Variants in ZNF600 observed in about 807,000 individuals in gnomAD.
The protein encoded by ZNF600 is zinc finger protein 600, also known as zinc finger protein KR-ZNF1.
In ZNF600, 4 loss-of-function variants were observed where a neutral mutation model predicts 7.3. The ratio of observed to expected loss-of-function variants is 0.55; its 90% confidence interval spans 0.27 to 1.25. The LOEUF (loss-of-function observed/expected upper bound fraction) is 1.25. Ranked by LOEUF, ZNF600 falls within the 50% of genes most tolerant of loss-of-function variation. The probability of loss-of-function intolerance (pLI) is 0.12; values close to 1 mark genes in which losing one functional copy is unlikely to be tolerated. For synonymous variants in ZNF600, 290 were observed against 308.9 expected (o/e 0.94, Z 0.64); for missense variants, 911 against 922.1 (o/e 0.99, Z 0.16).
chr19:52,832,747 T>TA, the ZNF600 span, among the ~76,000 whole-genome samples: 1 of 152,096 alleles, frequency 6.6e-6, no homozygotes, highest in Non-Finnish European at 1.5e-5. Flanking sequence ...AGAACTAAGC[T>TA]ACAGAGCGAC....
At chr19:52,817,864 T>A in the ZNF600 span, 2 of 1,600,430 alleles carry the variant, frequency 1.2e-6, no homozygotes, top group Non-Finnish European at 1.7e-6. Context: ...CACTTCAGAC[T>A]CAGAGAAGAC....
chr19:52,767,311 G>A (rs1183817380), exon 4 of ZNF600: 1 of 1,614,144 alleles, frequency 6.2e-7, no homozygotes, highest in South Asian at 1.1e-5. Context: ...TTTTGTGGGA[G>A]TAGTGAAGAA....
At chr19:52,810,210 C>T in the ZNF600 span, 1 of 1,089,920 alleles carries the variant, frequency 9.2e-7, no homozygotes, top group South Asian at 1.2e-5. Flanking sequence ...AAAGGAGCTA[C>T]AGAACGACGT....
chr19:52,813,119 C>T, the ZNF600 span, among the ~76,000 whole-genome samples: 1 of 151,954 alleles, frequency 6.6e-6, no homozygotes, highest in African/African-American at 2.4e-5. Flanking sequence ...TGTCACTATA[C>T]CAATACTTTT....
At chr19:52,796,816 C>T in the ZNF600 span, among the ~76,000 whole-genome samples, 7 of 152,322 alleles carry the variant, frequency 4.6e-5, no homozygotes, top group East Asian at 1.2e-3. Flanking sequence ...GCAGAATTTA[C>T]ATTGCTTTGA....
chr19:52,774,769 G>C, intron 2 of ZNF600, 68 bp from the exon 5 acceptor site: 1 of 985,314 alleles, frequency 1.0e-6, no homozygotes, highest in Non-Finnish European at 1.2e-6. Context: ...TGGGAAATGA[G>C]AAAAGAGAAA....
chr19:52,822,459 C>A, the ZNF600 span, among the ~76,000 whole-genome samples: 1 of 152,138 alleles, frequency 6.6e-6, no homozygotes, highest in Non-Finnish European at 1.5e-5. Flanking sequence ...AAATCATCTT[C>A]ATGACAAAAC....
chr19:52,814,142 A>G, the ZNF600 span: 2 of 146,784 alleles, frequency 1.4e-5, no homozygotes, highest in African/African-American at 5.3e-5. Context: ...ACTGACAGTA[A>G]CGGCTCCCCA....
the ZNF600 span, chr19:52,810,182 G>A: frequency 2.0e-6 from 2 of 1,002,938 alleles, no homozygotes; most frequent in African/African-American, 1.6e-5. Flanking sequence ...GGGAGGTGGA[G>A]GAAGAAGCTG....
intron 2 of ZNF600, among the ~76,000 whole-genome samples, chr19:52,777,612 A>C (rs62117456): frequency 0.026 from 3,922 of 152,244 alleles, 86 homozygotes; most frequent in African/African-American, 0.055. Context: ...CAGGCAGATC[A>C]TGAGGTCAGG....
the ZNF600 span, among the ~76,000 whole-genome samples, chr19:52,817,722 A>C: frequency 0.59 from 89,238 of 151,804 alleles, 27,436 homozygotes; most frequent in Non-Finnish European, 0.7. Context: ...TGGGTGTGAG[A>C]CCTTCCCAGG....
At chr19:52,790,836 G>C (rs1401711910), upstream of ZNF600, among the ~76,000 whole-genome samples, 1 of 151,792 alleles carries the variant, frequency 6.6e-6, no homozygotes. Context: ...ACAGGCATGA[G>C]CCATCACTCC....
At chr19:52,790,682 C>CT (rs71183835), upstream of ZNF600, among the ~76,000 whole-genome samples, 1,201 of 98,548 alleles carry the variant, frequency 0.012, 15 homozygotes, top group Non-Finnish European at 0.015. Context: ...TCTCTCTCTC[C>CT]TTTTTTTTTT....
At chr19:52,832,598 A>G in the ZNF600 span, among the ~76,000 whole-genome samples, 1 of 152,030 alleles carries the variant, frequency 6.6e-6, no homozygotes, top group Non-Finnish European at 1.5e-5. Context: ...CCATCTCAAA[A>G]TAAATAAATA....
At chr19:52,797,144 T>C in the ZNF600 span, among the ~76,000 whole-genome samples, 6 of 152,286 alleles carry the variant, frequency 3.9e-5, no homozygotes, top group South Asian at 2.1e-4. Context: ...CCACATCATC[T>C]CAATACATGT....
At chr19:52,767,138 T>A in exon 4 of ZNF600, 1 of 1,614,180 alleles carries the variant, frequency 6.2e-7, no homozygotes, top group Non-Finnish European at 8.5e-7. Flanking sequence ...TACAATGGCA[T>A]GTAAGGTATT....
the ZNF600 span, among the ~76,000 whole-genome samples, chr19:52,816,184 A>G: frequency 1.4e-5 from 2 of 144,696 alleles, no homozygotes; most frequent in African/African-American, 5.4e-5. Flanking sequence ...CACAAAATAT[A>G]TACATCATGT....
the ZNF600 span, among the ~76,000 whole-genome samples, chr19:52,830,060 A>G: frequency 7.9e-5 from 12 of 152,160 alleles, no homozygotes; most frequent in South Asian, 2.1e-4. Flanking sequence ...GATCACCTGA[A>G]GTTGGGAGTT....
upstream of ZNF600, among the ~76,000 whole-genome samples, chr19:52,790,647 C>G (rs1169237061): frequency 6.7e-6 from 1 of 149,110 alleles, no homozygotes; most frequent in African/African-American, 2.5e-5. Flanking sequence ...TACTCTAAAA[C>G]TAAGCCACAG....
Sources: allele counts gnomAD v4.1 joint callset (sites outside exome capture counted in the v4.1 genomes callset), GRCh38; gene constraint gnomAD v4.1.1; transcripts MANE v1.5; gene names NCBI Gene and HGNC (gene_info 2026-07-23, HGNC 2026-07-21).